Variants in KCND2 observed in about 807,000 individuals in gnomAD.
The protein encoded by KCND2 is A-type voltage-gated potassium channel KCND2.
A neutral mutation model predicts 54.4 loss-of-function variants in KCND2; 16 were observed. The ratio of observed to expected loss-of-function variants is 0.29; its 90% CI spans 0.20 to 0.45. KCND2 has a LOEUF of 0.45. Ranked by LOEUF, KCND2 falls within the 20% of genes least tolerant of loss-of-function variation. The pLI is 1.00. For missense variants in KCND2, 486 were observed against 824.2 expected, an observed-to-expected ratio of 0.59 and a Z score of 5.02; for synonymous variants, 317 against 310.7, an observed-to-expected ratio of 1.02 and a Z score of -0.21.
chr7:120,630,268 T>C (rs1398902883), intron 1 of KCND2, among the ~76,000 whole-genome samples: 2 of 152,214 alleles, frequency 1.3e-5, no homozygotes, highest in African/African-American at 2.4e-5. Flanking sequence ...CATTAAAATT[T>C]TGGAATTGAC....
In KCND2 at chr7:120,295,678, C is replaced by T. The variant is rs1296057621; in HGVS notation, c.1115+19931C>T. On this transcript the variant is annotated intron_variant, in intron 1 of 5. Transcript: ENST00000331113. ...ATTTTTAGCCATAATATACAAATACCTGTTATTATGTGTTAATTTACTAGT... is the reference window on the plus strand; with the variant it reads ...ATTTTTAGCCATAATATACAAATACTTGTTATTATGTGTTAATTTACTAGT... Among the ~76,000 whole-genome samples the T allele has an allele frequency of 4.0e-5, 6 of 151,858 alleles. No homozygotes were observed. The East Asian group carries it at 1.2e-3, about 29-fold the overall frequency.
In KCND2 at chr7:120,275,697, C is replaced by A. The variant is rs764974716; in HGVS notation, c.1065C>A (p.Thr355=). 3.7e-6 allele frequency: 6 copies of A among 1,601,536 alleles called. No individual in the cohort carries two copies. The highest frequency in any genetic ancestry group is 8.5e-7 in the Non-Finnish European group (1 of 1,179,932). The change falls in exon 1 of 6, where the codon ACC becomes ACA. Residue 355 remains threonine (T), a synonymous_variant. Coordinates refer to ENST00000331113, the MANE Select transcript of KCND2 (RefSeq NM_012281.3). ...AEKGSSASKF[T]SIPAAFWYTI... is the part of the protein sequence containing the mutation. ...AGGGGTCTTCGGCTAGCAAGTTCAC[C>A]AGCATCCCTGCAGCCTTCTGGTATA...
At chr7:120,599,444 A>G (rs1011845687) in intron 1 of KCND2, among the ~76,000 whole-genome samples, 3 of 151,994 alleles carry the variant, frequency 2.0e-5, no homozygotes, top group African/African-American at 7.2e-5. Context: ...AATGGTACTG[A>G]GTCTTCCAGT....
At chr7:120,622,767 C>G (rs892197629) in intron 1 of KCND2, among the ~76,000 whole-genome samples, 3 of 151,368 alleles carry the variant, frequency 2.0e-5, no homozygotes, top group Non-Finnish European at 3.0e-5. Context: ...ATTTTATACC[C>G]CCTTCCTTTT....
intron 1 of KCND2, among the ~76,000 whole-genome samples, chr7:120,687,886 T>A (rs1792224482): frequency 6.6e-6 from 1 of 152,174 alleles, no homozygotes; most frequent in African/African-American, 2.4e-5. Context: ...TTCAAAAGTA[T>A]CTCTTTTGTT....
intron 1 of KCND2, among the ~76,000 whole-genome samples, chr7:120,617,831 A>G (rs1793047460): frequency 6.6e-6 from 1 of 151,954 alleles, no homozygotes; most frequent in Non-Finnish European, 1.5e-5. Context: ...AAATCATATT[A>G]TGCAGCTATT....
intron 1 of KCND2, 89 bp downstream of exon 1, chr7:120,275,836 A>G (rs1799165526): frequency 3.6e-6 from 5 of 1,406,808 alleles, no homozygotes; most frequent in Non-Finnish European, 3.0e-6. Flanking sequence ...CTCCGGGGAA[A>G]TCATTTGTTT....
intron 1 of KCND2, 63 bp downstream of exon 1, chr7:120,275,810 C>G (rs762485122): frequency 1.9e-5 from 29 of 1,526,108 alleles, no homozygotes; most frequent in Non-Finnish European, 2.3e-5. Flanking sequence ...GTGGACCCAT[C>G]GAGGTTACAT....
chr7:120,602,414 C>G (rs955294702), intron 1 of KCND2, among the ~76,000 whole-genome samples: 2 of 152,122 alleles, frequency 1.3e-5, no homozygotes, highest in African/African-American at 4.8e-5. Flanking sequence ...CTGCAATCAT[C>G]TATTCAATAT....
intron 1 of KCND2, among the ~76,000 whole-genome samples, chr7:120,688,524 C>A (rs1308688887): frequency 6.6e-6 from 1 of 152,170 alleles, no homozygotes; most frequent in African/African-American, 2.4e-5. Flanking sequence ...ATAGAGAGGA[C>A]CTTCCCAGGC....
intron 1 of KCND2, among the ~76,000 whole-genome samples, chr7:120,588,260 T>C (rs1382430421): frequency 6.6e-6 from 1 of 152,226 alleles, no homozygotes; most frequent in Admixed American, 6.5e-5. Flanking sequence ...TAAAAGTTCC[T>C]ATCTCATTTT....
intron 1 of KCND2, among the ~76,000 whole-genome samples, chr7:120,560,668 C>T (rs1294822065): frequency 6.6e-6 from 1 of 152,162 alleles, no homozygotes; most frequent in African/African-American, 2.4e-5. Flanking sequence ...ATTCTGTCTA[C>T]CGGCCTGTCT....
intron 1 of KCND2, among the ~76,000 whole-genome samples, chr7:120,629,482 TCTCGG>T (rs1793205275): frequency 6.6e-6 from 1 of 151,546 alleles, no homozygotes; most frequent in South Asian, 2.1e-4. Context: ...CGAGACTCCG[TCTCGG>T]GGGTGGGGTG....
chr7:120,547,672 A>G (rs1792059329), intron 1 of KCND2, among the ~76,000 whole-genome samples: 1 of 152,072 alleles, frequency 6.6e-6, no homozygotes, highest in Non-Finnish European at 1.5e-5. Context: ...TCTACTTAAA[A>G]TAACTCTAGG....
chr7:120,543,610 A>G (rs1392456405), intron 1 of KCND2, among the ~76,000 whole-genome samples: 1 of 152,004 alleles, frequency 6.6e-6, no homozygotes, highest in Non-Finnish European at 1.5e-5. Context: ...AATATGTAAC[A>G]TTGTCTTACT....
At chr7:120,541,934 T>A (rs966791230) in intron 1 of KCND2, among the ~76,000 whole-genome samples, 34 of 152,226 alleles carry the variant, frequency 2.2e-4, no homozygotes, top group African/African-American at 8.2e-4. Flanking sequence ...GAAGAATAAA[T>A]CATTATAATG....
At chr7:120,576,260 T>C (rs1234404676) in intron 1 of KCND2, among the ~76,000 whole-genome samples, 4 of 152,182 alleles carry the variant, frequency 2.6e-5, no homozygotes, top group Non-Finnish European at 1.5e-5. Flanking sequence ...ATATTACAAA[T>C]AGTACTAACA....
At chr7:120,287,842 C>T (rs1324259663) in intron 1 of KCND2, among the ~76,000 whole-genome samples, 4 of 151,946 alleles carry the variant, frequency 2.6e-5, no homozygotes, top group African/African-American at 9.7e-5. Flanking sequence ...AACTATGTCC[C>T]AACAACAACA....
chr7:120,459,567 A>T (rs879856020), intron 1 of KCND2, among the ~76,000 whole-genome samples: 1 of 152,126 alleles, frequency 6.6e-6, no homozygotes, highest in Non-Finnish European at 1.5e-5. Flanking sequence ...TTAACATGTA[A>T]GATCAATGAA....
Sources: allele counts gnomAD v4.1 joint callset (sites outside exome capture counted in the v4.1 genomes callset), GRCh38; gene constraint gnomAD v4.1.1; transcripts MANE v1.5; gene names NCBI Gene and HGNC (gene_info 2026-07-23, HGNC 2026-07-21).